EXOC6B: variants seen among roughly 807,000 people sequenced by gnomAD.
EXOC6B encodes the protein exocyst complex component 6B.
A neutral mutation model predicts 113.5 loss-of-function variants in EXOC6B; 54 were observed. The observed-to-expected ratio is 0.48, with a 90% confidence interval of 0.38 to 0.60. The LOEUF (loss-of-function observed/expected upper bound fraction) is 0.60, where lower values mean the gene tolerates loss of function less well. Among genes scored for constraint, EXOC6B ranks in the 20% least tolerant of loss-of-function variants. The pLI is 0.00. For synonymous variants in EXOC6B, 357 were observed against 339.0 expected (o/e 1.05, Z -0.58); for missense variants, 797 against 977.5 (o/e 0.82, Z 2.46).
chr2:72,787,954 C>CT (rs1415731055), intron 1 of EXOC6B, among the ~76,000 whole-genome samples: 1 of 152,084 alleles, frequency 6.6e-6, no homozygotes, highest in Non-Finnish European at 1.5e-5. Context: ...GAATAAAAGA[C>CT]TTTTTTTAAT....
chr2:72,769,063 A>T (rs1447792852), intron 1 of EXOC6B, among the ~76,000 whole-genome samples: 1 of 152,234 alleles, frequency 6.6e-6, no homozygotes, highest in East Asian at 1.9e-4. Flanking sequence ...GAATATACTT[A>T]ATGCCACTGA....
intron 6 of EXOC6B, among the ~76,000 whole-genome samples, chr2:72,685,840 A>G (rs1677050342): frequency 6.6e-6 from 1 of 152,224 alleles, no homozygotes; most frequent in African/African-American, 2.4e-5. Flanking sequence ...GCTTTTTGAG[A>G]CAATCAGGAA....
intron 8 of EXOC6B, among the ~76,000 whole-genome samples, chr2:72,535,080 T>C (rs977463816): frequency 2.0e-5 from 3 of 152,208 alleles, no homozygotes; most frequent in African/African-American, 7.2e-5. Flanking sequence ...ATGCAAATAC[T>C]AAACTTGGTA....
Position 72,477,538 on chromosome 2 carries a change from T to G in EXOC6B, c.1800+3078A>C, listed in dbSNP as rs1280719287. On this transcript the variant is annotated intron_variant, in intron 17 of 21. Coordinates refer to ENST00000272427, the MANE Select transcript of EXOC6B (RefSeq NM_015189.3). The stretch of plus-strand genomic sequence containing the variant: ...CTTTCTTCTTCCCCTTTTATTAAAT[T>G]ACAATATATTTATTTCCACATAAAA... 2.6e-5 allele frequency among the ~76,000 whole-genome samples: 4 copies of G among 152,204 alleles called. No individual in the cohort carries two copies. In the East Asian group the frequency reaches 5.8e-4, roughly 22 times the overall value.
At position 72,179,426 on chromosome 2, in the gene EXOC6B, G is replaced by A; in HGVS notation, c.2345C>T (p.Ala782Val). ...KDTSRKNNMFAQFRKNERDKQ... is the reference protein window; with the variant it reads ...KDTSRKNNMFVQFRKNERDKQ... ...GTCTCGCTCATTTTTCCGAAACTGT[G>A]CAAACATGTTGTTCTTGCGGCTAGT... Residue 782 changes from alanine to valine, a missense_variant, in exon 22 of 22, where the codon GCA becomes GTA. By Grantham distance (64) the Ala-to-Val change is moderately conservative. Transcript: ENST00000272427. The A allele has an allele frequency of 6.2e-7, 1 of 1,613,874 alleles. No individual in the cohort carries two copies. The highest frequency in any genetic ancestry group is 1.3e-5 in the African/African-American group (1 of 75,012).
chr2:72,561,018 T>C (rs1450295911), intron 7 of EXOC6B, among the ~76,000 whole-genome samples: 1 of 152,040 alleles, frequency 6.6e-6, no homozygotes, highest in African/African-American at 2.4e-5. Context: ...CCACAGGTGA[T>C]CATTTTAGGC....
At chr2:72,467,382 T>C (rs1220237175) in intron 17 of EXOC6B, among the ~76,000 whole-genome samples, 1 of 152,218 alleles carries the variant, frequency 6.6e-6, no homozygotes, top group Non-Finnish European at 1.5e-5. Flanking sequence ...ATGATAGTTC[T>C]ATTTTTATTT....
chr2:72,189,830 G>GTC (rs1305636856), intron 20 of EXOC6B, among the ~76,000 whole-genome samples: 6 of 92,214 alleles, frequency 6.5e-5, no homozygotes, highest in South Asian at 3.3e-4. Context: ...CATTCTCTCT[G>GTC]TCTCTCTCTC....
At position 72,393,102 on chromosome 2, in the gene EXOC6B, CT is replaced by C. The variant is rs113073440; in HGVS notation, c.1981-13233del. Among the ~76,000 whole-genome samples the C allele has an allele frequency of 3.5e-3, 505 of 143,334 alleles. 1 individual carries two copies. Among genetic ancestry groups the C allele is most frequent in the African/African-American group, 8.6e-3 (338 of 39,470 alleles). The allele number at this position is 143,334 out of a possible 152,430, so 94.0% of individuals were successfully genotyped here. On this transcript the variant is annotated intron_variant, in intron 18 of 21. Coordinates refer to ENST00000272427, the MANE Select transcript of EXOC6B (RefSeq NM_015189.3). ...TGTTTGTTTGTTTGTTTTTGGGGTT[CT>C]TTTTTTTTTTGAGACAAAGTCTCAC...
At chr2:72,318,720 C>T (rs568885810) in intron 20 of EXOC6B, among the ~76,000 whole-genome samples, 2 of 152,080 alleles carry the variant, frequency 1.3e-5, no homozygotes, top group Non-Finnish European at 2.9e-5. Context: ...ATTAGATATG[C>T]ATCAAATCAG....
chr2:72,371,348 A>C (rs1173448884), intron 19 of EXOC6B, among the ~76,000 whole-genome samples: 2 of 152,232 alleles, frequency 1.3e-5, no homozygotes, highest in Non-Finnish European at 2.9e-5. Context: ...CTACAAGATC[A>C]GTATTACCCT....
intron 19 of EXOC6B, among the ~76,000 whole-genome samples, chr2:72,372,434 G>A (rs1336913501): frequency 1.3e-5 from 2 of 152,210 alleles, no homozygotes; most frequent in African/African-American, 2.4e-5. Flanking sequence ...CAGAGCTATA[G>A]TAATAACAAC....
intron 6 of EXOC6B, among the ~76,000 whole-genome samples, chr2:72,700,444 T>C (rs574854243): frequency 1.7e-4 from 26 of 152,324 alleles, no homozygotes; most frequent in East Asian, 5.8e-4. Context: ...CCAGTTTTGT[T>C]ATTTGCCTCA....
At chr2:72,364,800 C>T (rs751926693) in intron 19 of EXOC6B, among the ~76,000 whole-genome samples, 3 of 152,162 alleles carry the variant, frequency 2.0e-5, no homozygotes, top group Non-Finnish European at 4.4e-5. Context: ...AAAATCCAAT[C>T]TTGTAGTTGA....
chr2:72,317,361 A>T (rs905072523), intron 20 of EXOC6B, among the ~76,000 whole-genome samples: 1 of 152,042 alleles, frequency 6.6e-6, no homozygotes, highest in Non-Finnish European at 1.5e-5. Context: ...AAACATCTCT[A>T]TGCCCTATCA....
chr2:72,452,058 A>C (rs1696953777), intron 18 of EXOC6B, among the ~76,000 whole-genome samples: 1 of 152,118 alleles, frequency 6.6e-6, no homozygotes, highest in African/African-American at 2.4e-5. Flanking sequence ...AAAGAAGCAA[A>C]AATGTAGTTT....
chr2:72,568,430 T>C (rs1030576284), intron 7 of EXOC6B, among the ~76,000 whole-genome samples: 1 of 152,018 alleles, frequency 6.6e-6, no homozygotes, highest in Non-Finnish European at 1.5e-5. Context: ...AGAATGTCAT[T>C]GTCAGGAAAC....
chr2:72,234,080 C>T (rs979221927), intron 20 of EXOC6B, among the ~76,000 whole-genome samples: 1 of 137,912 alleles, frequency 7.3e-6, no homozygotes, highest in Admixed American at 7.2e-5. Flanking sequence ...AGCTGGACCG[C>T]CTCTTTTTTT....
intron 8 of EXOC6B, among the ~76,000 whole-genome samples, chr2:72,521,166 C>G (rs573591349): frequency 2.8e-4 from 42 of 152,218 alleles, no homozygotes; most frequent in African/African-American, 9.6e-4. Flanking sequence ...TTGCACCCTC[C>G]CATCTCTTCT....
Sources: allele counts gnomAD v4.1 joint callset (sites outside exome capture counted in the v4.1 genomes callset), GRCh38; gene constraint gnomAD v4.1.1; transcripts MANE v1.5; gene names NCBI Gene and HGNC (gene_info 2026-07-23, HGNC 2026-07-21).